The following UNC5D variants were observed in gnomAD, a reference collection of about 807,000 sequenced individuals.
UNC5D encodes unc-5 netrin receptor D.
A neutral mutation model predicts 105.4 loss-of-function variants in UNC5D; 39 were observed. The ratio of observed to expected loss-of-function variants is 0.37; its 90% CI spans 0.29 to 0.48. The LOEUF is 0.48. Ranked by LOEUF, UNC5D falls within the 20% of genes least tolerant of loss-of-function variation. The pLI, the probability that UNC5D is intolerant of heterozygous loss-of-function variation, is 0.98. For synonymous variants in UNC5D, 452 were observed against 450.4 expected (o/e 1.00, Z -0.04); for missense variants, 991 against 1,202.4 (o/e 0.82, Z 2.60).
intron 1 of UNC5D, among the ~76,000 whole-genome samples, chr8:35,327,172 A>T (rs186800645): frequency 6.6e-6 from 1 of 152,342 alleles, no homozygotes; most frequent in East Asian, 1.9e-4. Flanking sequence ...TGAGTTCTGC[A>T]ACATATAGCT....
At chr8:35,277,035 A>G (rs577449463) in intron 1 of UNC5D, among the ~76,000 whole-genome samples, 126 of 152,224 alleles carry the variant, frequency 8.3e-4, no homozygotes, top group Admixed American at 1.8e-3. Flanking sequence ...CTTTAGATGA[A>G]TGCACACTTA....
intron 1 of UNC5D, among the ~76,000 whole-genome samples, chr8:35,383,519 G>A (rs1489249441): frequency 3.9e-5 from 6 of 152,134 alleles, no homozygotes; most frequent in Admixed American, 6.5e-5. Context: ...CAGGTAAAAC[G>A]ATCTTTCAAC....
At chr8:35,583,485 C>A (rs1455089433) in intron 3 of UNC5D, among the ~76,000 whole-genome samples, 2 of 152,046 alleles carry the variant, frequency 1.3e-5, no homozygotes. Context: ...AGGCTCTGAT[C>A]TTTTGTTTTT....
chr8:35,454,726 G>A (rs572969306), intron 1 of UNC5D, among the ~76,000 whole-genome samples: 61 of 151,900 alleles, frequency 4.0e-4, no homozygotes, highest in African/African-American at 1.3e-3. Context: ...TGTAGCCCCC[G>A]TACCCATAAA....
intron 1 of UNC5D, among the ~76,000 whole-genome samples, chr8:35,283,517 T>C (rs946148936): frequency 6.6e-6 from 1 of 151,798 alleles, no homozygotes; most frequent in African/African-American, 2.4e-5. Context: ...ATCCCAGCAC[T>C]TTGGGAGGCC....
At chr8:35,434,232 T>C (rs182160696) in intron 1 of UNC5D, among the ~76,000 whole-genome samples, 249 of 152,200 alleles carry the variant, frequency 1.6e-3, no homozygotes, top group African/African-American at 5.6e-3. Context: ...TATCAGCTCA[T>C]GTATAAAATT....
chr8:35,708,158 G>A (rs570444608), intron 8 of UNC5D, among the ~76,000 whole-genome samples: 1 of 152,282 alleles, frequency 6.6e-6, no homozygotes, highest in South Asian at 2.1e-4. Context: ...CATAAGGCCT[G>A]GCAGATAGAA....
chr8:35,284,253 G>A (rs1211851852), intron 1 of UNC5D, among the ~76,000 whole-genome samples: 7 of 152,146 alleles, frequency 4.6e-5, no homozygotes, highest in Admixed American at 3.3e-4. Context: ...TTAACTAATA[G>A]CAAGTGTTTA....
intron 8 of UNC5D, among the ~76,000 whole-genome samples, chr8:35,706,691 C>A (rs1400271282): frequency 1.3e-5 from 2 of 152,032 alleles, no homozygotes; most frequent in African/African-American, 4.8e-5. Context: ...CAGGTGACTC[C>A]AAGGTGCAGG....
At chr8:35,433,503 A>C (rs73672295) in intron 1 of UNC5D, among the ~76,000 whole-genome samples, 5,341 of 152,124 alleles carry the variant, frequency 0.035, 353 homozygotes, top group African/African-American at 0.12. Flanking sequence ...TCCCCCTTCA[A>C]AAAAAATAAT....
At chr8:35,685,306 T>C (rs530717673) in intron 6 of UNC5D, among the ~76,000 whole-genome samples, 1 of 152,294 alleles carries the variant, frequency 6.6e-6, no homozygotes, top group African/African-American at 2.4e-5. Flanking sequence ...AAAGAGATAC[T>C]TCATTTACCA....
chr8:35,687,808 G>C, intron 7 of UNC5D, among the ~76,000 whole-genome samples: 1 of 152,130 alleles, frequency 6.6e-6, no homozygotes, highest in South Asian at 2.1e-4. Context: ...ATATTTGAAT[G>C]TTGTATGGCA....
rs376467113 is a variant in UNC5D at position 35,658,275 on chromosome 8, C to A, written c.571-25272C>A. 2.8e-4 allele frequency among the ~76,000 whole-genome samples: 43 copies of A among 152,196 alleles called. 1 individual carries two copies. The South Asian group carries it at 7.1e-3, about 25-fold the overall frequency. On this transcript the variant is annotated intron_variant, in intron 4 of 16. Transcript: ENST00000404895. ...CTTAAGTGGAAGTATATTGTGTCAG[C>A]AAATAGATATTTCATGAATGGCATC...
At chr8:35,616,473 G>T (rs1317063045) in intron 4 of UNC5D, among the ~76,000 whole-genome samples, 1 of 152,132 alleles carries the variant, frequency 6.6e-6, no homozygotes, top group Non-Finnish European at 1.5e-5. Context: ...TGTGATTCCC[G>T]GTCTGAGCTC....
chr8:35,577,366 G>A (rs1024160905), intron 3 of UNC5D, among the ~76,000 whole-genome samples: 2 of 152,114 alleles, frequency 1.3e-5, no homozygotes, highest in African/African-American at 4.8e-5. Context: ...ATCTTCCTTT[G>A]TCTTTGATGA....
intron 1 of UNC5D, among the ~76,000 whole-genome samples, chr8:35,319,430 C>T (rs1246303000): frequency 1.3e-5 from 2 of 152,112 alleles, no homozygotes; most frequent in African/African-American, 4.8e-5. Context: ...AATCCTTGAT[C>T]TGATGTGCAT....
intron 1 of UNC5D, among the ~76,000 whole-genome samples, chr8:35,318,219 A>G (rs72633560): frequency 0.074 from 11,263 of 151,986 alleles, 557 homozygotes; most frequent in Non-Finnish European, 0.11. Context: ...AATGTAAAAA[A>G]TATTATACTT....
At chr8:35,646,250 G>T (rs1392430055) in intron 4 of UNC5D, among the ~76,000 whole-genome samples, 1 of 152,022 alleles carries the variant, frequency 6.6e-6, no homozygotes, top group Non-Finnish European at 1.5e-5. Context: ...TGGAATCAAA[G>T]GAGAAAAACA....
chr8:35,278,589 A>T (rs1358053751), intron 1 of UNC5D, among the ~76,000 whole-genome samples: 1 of 64,674 alleles, frequency 1.5e-5, no homozygotes, highest in Admixed American at 1.9e-4. Context: ...TTTATTTATT[A>T]TTTATTATTT....
Sources: allele counts gnomAD v4.1 joint callset (sites outside exome capture counted in the v4.1 genomes callset), GRCh38; gene constraint gnomAD v4.1.1; transcripts MANE v1.5; gene names NCBI Gene and HGNC (gene_info 2026-07-23, HGNC 2026-07-21).